Variants in NAV2 observed in about 807,000 individuals in gnomAD.
NAV2 encodes the protein helicase, APC down-regulated 1.
In NAV2, 54 loss-of-function variants were observed where a neutral mutation model predicts 223.2. That is an observed-to-expected ratio of 0.24 (90% CI 0.19 to 0.30). The LOEUF is 0.30. Ranked by LOEUF, NAV2 falls within the 10% of genes least tolerant of loss-of-function variation. The pLI is 1.00. For synonymous variants in NAV2, 1,279 were observed against 1,239.3 expected, an observed-to-expected ratio of 1.03 and a Z score of -0.67; for missense variants, 2,806 against 3,147.5, an observed-to-expected ratio of 0.89 and a Z score of 2.60.
chr11:19,702,904 T>C (rs1263533431), intron 1 of NAV2, among the ~76,000 whole-genome samples: 2 of 150,176 alleles, frequency 1.3e-5, no homozygotes, highest in Non-Finnish European at 1.5e-5. Context: ...GAAAAGTAAG[T>C]TAAAGCCACC....
chr11:19,550,602 C>T (rs2044659854), intron 1 of NAV2, among the ~76,000 whole-genome samples: 2 of 152,198 alleles, frequency 1.3e-5, no homozygotes, highest in Admixed American at 6.5e-5. Context: ...GGACTGTGTA[C>T]GTGCACTCAC....
At chr11:19,616,964 C>T (rs892557391) in intron 1 of NAV2, among the ~76,000 whole-genome samples, 7 of 152,090 alleles carry the variant, frequency 4.6e-5, no homozygotes, top group East Asian at 1.9e-4. Flanking sequence ...CCCTCTGAGC[C>T]GCAGTCTCCT....
intron 20 of NAV2, among the ~76,000 whole-genome samples, chr11:20,066,471 A>G (rs2059048986): frequency 6.6e-6 from 1 of 152,228 alleles, no homozygotes; most frequent in Admixed American, 6.5e-5. Context: ...AAACAAACCT[A>G]CCTAATGGAG....
At chr11:19,433,742 T>C (rs542975256) in intron 1 of NAV2, among the ~76,000 whole-genome samples, 3 of 152,350 alleles carry the variant, frequency 2.0e-5, no homozygotes, top group Non-Finnish European at 2.9e-5. Flanking sequence ...CTTCTTGCAG[T>C]TGTGACCACT....
At chr11:19,784,746 G>A (rs757307499) in intron 1 of NAV2, among the ~76,000 whole-genome samples, 7 of 152,130 alleles carry the variant, frequency 4.6e-5, no homozygotes, top group Non-Finnish European at 1.0e-4. Flanking sequence ...TCTTGGAATA[G>A]TCATTTAACC....
At chr11:19,420,735 G>C (rs1296086461) in intron 1 of NAV2, among the ~76,000 whole-genome samples, 1 of 152,172 alleles carries the variant, frequency 6.6e-6, no homozygotes, top group Non-Finnish European at 1.5e-5. Flanking sequence ...GTTTACCCTT[G>C]GAGCAAGAGC....
intron 1 of NAV2, among the ~76,000 whole-genome samples, chr11:19,612,972 G>T (rs760992802): frequency 6.6e-5 from 10 of 152,176 alleles, no homozygotes; most frequent in Non-Finnish European, 8.8e-5. Flanking sequence ...TTCCATATGG[G>T]TGGGGAGGCC....
At chr11:19,693,771 C>A (rs538249840) in intron 1 of NAV2, among the ~76,000 whole-genome samples, 4 of 152,272 alleles carry the variant, frequency 2.6e-5, no homozygotes, top group African/African-American at 9.6e-5. Context: ...ACATTGGAGG[C>A]CAGCACTGTT....
intron 1 of NAV2, among the ~76,000 whole-genome samples, chr11:19,547,126 A>G (rs1440458764): frequency 6.6e-6 from 1 of 152,196 alleles, no homozygotes; most frequent in African/African-American, 2.4e-5. Context: ...CCTGCCCTGC[A>G]CATGGCAACA....
intron 19 of NAV2, among the ~76,000 whole-genome samples, chr11:20,056,221 G>A (rs1349334032): frequency 1.3e-5 from 2 of 152,208 alleles, no homozygotes; most frequent in African/African-American, 4.8e-5. Context: ...ACTGAGGTCC[G>A]CTTTAGGCTT....
intron 1 of NAV2, among the ~76,000 whole-genome samples, chr11:19,421,040 A>T (rs1384737736): frequency 6.6e-6 from 1 of 152,206 alleles, no homozygotes; most frequent in Non-Finnish European, 1.5e-5. Flanking sequence ...GGTGTTAAGC[A>T]GCTGCTCTCT....
chr11:19,660,429 C>T (rs1432862471), intron 1 of NAV2, among the ~76,000 whole-genome samples: 1 of 152,076 alleles, frequency 6.6e-6, no homozygotes, highest in East Asian at 1.9e-4. Context: ...GAACTCAATA[C>T]CCAGGCAACA....
At position 19,933,349 on chromosome 11, in the gene NAV2, G is replaced by A. The variant is rs1186911901; in HGVS notation, c.1105G>A (p.Ala369Thr). The A allele has an allele frequency of 6.2e-7, 1 of 1,606,938 alleles. No individual in the cohort carries two copies. The highest frequency in any genetic ancestry group is 1.3e-5 in the African/African-American group (1 of 74,652). The change falls in exon 7 of 38, where the codon GCC becomes ACC. Residue 369 changes from alanine to threonine, a missense_variant. Around this residue, in one of 4 missense-constraint regions of NAV2, gnomAD observed 1,167 missense variants for 1,180.5 expected, o/e 0.99. Coordinates refer to ENST00000349880, the MANE Select transcript of NAV2 (RefSeq NM_145117.5). This position sits in a 1 kb window ranked among gnomAD's most constrained non-coding sequence, Gnocchi z 4.3. ...CAAATCCCTCAGCGTGAAGCACAGT[G>A]CCACGGTATCCATGCTCTCGGTCAA... Reference protein sequence around the residue: ...RSKSLSVKHSATVSMLSVKPP... With the variant: ...RSKSLSVKHSTTVSMLSVKPP...
At chr11:19,878,427 G>T (rs186486379) in intron 4 of NAV2, among the ~76,000 whole-genome samples, 54 of 152,294 alleles carry the variant, frequency 3.5e-4, no homozygotes, top group Non-Finnish European at 6.6e-4. Flanking sequence ...GGGGCAAAGC[G>T]GTGTCCGTAT....
intron 1 of NAV2, among the ~76,000 whole-genome samples, chr11:19,728,366 A>T (rs1266275402): frequency 6.6e-6 from 1 of 152,296 alleles, no homozygotes; most frequent in Middle Eastern, 3.4e-3. Flanking sequence ...GATGTCTCCC[A>T]TAGATTCAGG....
At chr11:19,368,193 A>G (rs1848353037) in intron 1 of NAV2, among the ~76,000 whole-genome samples, 1 of 152,138 alleles carries the variant, frequency 6.6e-6, no homozygotes, top group South Asian at 2.1e-4. Flanking sequence ...TGCACCCTCA[A>G]TGTCCAGTAG....
At chr11:19,772,300 G>A (rs906037667) in intron 1 of NAV2, among the ~76,000 whole-genome samples, 4 of 152,198 alleles carry the variant, frequency 2.6e-5, no homozygotes, top group African/African-American at 7.2e-5. Flanking sequence ...TGACAGTAAT[G>A]CAGACAACTG....
chr11:20,042,421 G>T (rs989348165), intron 12 of NAV2, among the ~76,000 whole-genome samples: 37 of 152,110 alleles, frequency 2.4e-4, no homozygotes, highest in African/African-American at 8.7e-4. Flanking sequence ...TCTGTCCCTT[G>T]CCACAGCTGA....
At chr11:19,620,475 C>T (rs546158993) in intron 1 of NAV2, among the ~76,000 whole-genome samples, 11 of 152,238 alleles carry the variant, frequency 7.2e-5, no homozygotes, top group Admixed American at 6.5e-4. Flanking sequence ...AGGTCCTTCA[C>T]ATCCCTTGTA....
Sources: gnomAD v4.1 joint callset for allele counts (sites outside exome capture counted in the v4.1 genomes callset) on GRCh38, gnomAD v4.1.1 for gene constraint, gnomAD v4.1.1 regional missense constraint, Gnocchi (gnomAD v3.1) non-coding constraint, MANE v1.5 for transcripts, NCBI Gene and HGNC (gene_info 2026-07-23, HGNC 2026-07-21) for gene names.